The following COL11A1 variants were observed in gnomAD, a reference collection of about 807,000 sequenced individuals.
COL11A1 encodes collagen alpha-1(XI) chain.
A neutral mutation model predicts 265.2 loss-of-function variants in COL11A1; 74 were observed. The ratio of observed to expected loss-of-function variants is 0.28; its 90% CI spans 0.23 to 0.34. The LOEUF (loss-of-function observed/expected upper bound fraction) is 0.34, where lower values mean the gene tolerates loss of function less well. Ranked by LOEUF, COL11A1 falls within the 10% of genes least tolerant of loss-of-function variation. The pLI is 1.00. For missense variants in COL11A1, 2,165 were observed against 2,263.6 expected, an observed-to-expected ratio of 0.96 and a Z score of 0.88; for synonymous variants, 816 against 727.6, an observed-to-expected ratio of 1.12 and a Z score of -1.96.
At chr1:102,898,226 ATATT>A (rs941250044) in intron 56 of COL11A1, 48 bp from the exon 57 acceptor site, 49 of 848,304 alleles carry the variant, frequency 5.8e-5, no homozygotes, top group African/African-American at 2.7e-4. Context: ...AAAATAATAC[ATATT>A]TATTTATTTA....
chr1:103,083,930 A>T (rs1447713735), intron 1 of COL11A1, among the ~76,000 whole-genome samples: 2 of 152,162 alleles, frequency 1.3e-5, no homozygotes, highest in Non-Finnish European at 2.9e-5. Flanking sequence ...GACGTGGTCA[A>T]TATAAAATAT....
chr1:102,881,536 C>T (rs1650239182), intron 65 of COL11A1, among the ~76,000 whole-genome samples, 161 bp downstream of exon 65: 1 of 152,052 alleles, frequency 6.6e-6, no homozygotes, highest in Non-Finnish European at 1.5e-5. Context: ...CTTTAAGATA[C>T]CACAGTGGTC....
chr1:102,898,738 G>T lies in COL11A1; in HGVS notation c.4176C>A (p.Thr1392=), dbSNP rs750903509. The part of the protein sequence containing the change: ...EAGAEGPPGK[T]GPVGPQGPAG... ...CAGGTCCCTGAGGACCGACTGGGCC[G>T]GTTTTTCCAGGAGGACCTTCTGCAC... Residue 1392 remains threonine (T), a synonymous_variant, in exon 56 of 67, where the codon ACC becomes ACA. Transcript: ENST00000370096. The T allele has an allele frequency of 5.6e-5, 90 of 1,612,838 alleles. 1 individual carries two copies. Among genetic ancestry groups the T allele is most frequent in the Middle Eastern group, 4.9e-4 (3 of 6,074 alleles).
At chr1:103,073,817 T>C (rs1292440700) in intron 4 of COL11A1, among the ~76,000 whole-genome samples, 1 of 152,018 alleles carries the variant, frequency 6.6e-6, no homozygotes, top group Admixed American at 6.6e-5. Flanking sequence ...TGTACACATC[T>C]GTGTATGTAT....
chr1:103,014,981 T>C (rs1188213262), intron 12 of COL11A1, among the ~76,000 whole-genome samples: 1 of 152,096 alleles, frequency 6.6e-6, no homozygotes, highest in Non-Finnish European at 1.5e-5. Context: ...CTCTATTTTG[T>C]TTGTCAAAAT....
Position 102,965,516 on chromosome 1 carries a change from G to A in COL11A1, c.2887C>T (p.Pro963Ser). The A allele has an allele frequency of 6.2e-7, 1 of 1,613,690 alleles. No homozygotes were observed. The highest frequency in any genetic ancestry group is 8.5e-7 in the Non-Finnish European group (1 of 1,179,756). ...ETGFQGKTGP[P>S]GPGGVVGPQG... ...GGTCCAACCACTCCCCCTGGCCCAG[G>A]AGGGCCGGTCTTGCCTTGAAATCCC... The change falls in exon 38 of 67, where the codon CCT becomes TCT. Residue 963 changes from proline (P) to serine (S), a missense_variant. Coordinates refer to ENST00000370096, the MANE Select transcript of COL11A1 (RefSeq NM_001854.4).
intron 28 of COL11A1, among the ~76,000 whole-genome samples, chr1:102,991,465 C>T (rs1368654058): frequency 6.8e-6 from 1 of 148,120 alleles, no homozygotes; most frequent in African/African-American, 2.4e-5. Context: ...TTCTTCACTT[C>T]TTCAGTCTTT....
chr1:102,933,738 C>G (rs111230716), intron 46 of COL11A1, among the ~76,000 whole-genome samples: 1 of 152,070 alleles, frequency 6.6e-6, no homozygotes, highest in Non-Finnish European at 1.5e-5. Flanking sequence ...TAGCAATCAG[C>G]GAGACTCCGT....
intron 42 of COL11A1, among the ~76,000 whole-genome samples, chr1:102,942,795 A>C (rs964494775): frequency 2.0e-5 from 3 of 152,092 alleles, no homozygotes; most frequent in African/African-American, 2.4e-5. Context: ...GGTAATGATA[A>C]TACTACTACT....
intron 7 of COL11A1, among the ~76,000 whole-genome samples, chr1:103,023,432 A>G (rs1269892357): frequency 6.7e-6 from 1 of 150,070 alleles, no homozygotes; most frequent in Non-Finnish European, 1.5e-5. Context: ...ATCTTGGTTC[A>G]CAGCAACCTC....
At position 102,914,392 on chromosome 1, in the gene COL11A1, A is replaced by T. The variant is rs200014253; in HGVS notation, c.3938T>A (p.Phe1313Tyr). ...CCCAGGAGGACCAGGATCTCCAGGAAAACCAACAGGACCCTAGAATGACGT... is the reference window on the plus strand; with the variant it reads ...CCCAGGAGGACCAGGATCTCCAGGATAACCAACAGGACCCTAGAATGACGT... ...GPKGNPGPVG[F>Y]PGDPGPPGEP... is the part of the protein sequence containing the mutation. The change falls in exon 52 of 67, where the codon TTT becomes TAT. Residue 1313 changes from phenylalanine to tyrosine, a missense_variant. By Grantham distance (22) the Phe-to-Tyr change is conservative. Coordinates refer to ENST00000370096, the MANE Select transcript of COL11A1 (RefSeq NM_001854.4). 8.1e-6 allele frequency: 13 copies of T among 1,608,554 alleles called. No homozygotes were observed. The highest frequency in any genetic ancestry group is 1.7e-6 in the Non-Finnish European group (2 of 1,176,620).
In COL11A1 at chr1:102,879,817, A is replaced by T; in HGVS notation, c.5140T>A (p.Cys1714Ser). The T allele has an allele frequency of 6.2e-7, 1 of 1,614,008 alleles. No individual in the cohort carries two copies. The highest frequency in any genetic ancestry group is 8.5e-7 in the Non-Finnish European group (1 of 1,179,908). ...TCATACCAGGCTGCTGACTGATGACAGTGGTAGGTGAAATTTTGCCGAGCA... is the reference window on the plus strand; with the variant it reads ...TCATACCAGGCTGCTGACTGATGACTGTGGTAGGTGAAATTTTGCCGAGCA... ...ASARQNFTYHCHQSAAWYDVS... is the reference protein window; with the variant it reads ...ASARQNFTYHSHQSAAWYDVS... Residue 1714 changes from cysteine (C) to serine (S), a missense_variant, in exon 66 of 67, where the codon TGT becomes AGT. Coordinates refer to ENST00000370096, the MANE Select transcript of COL11A1 (RefSeq NM_001854.4).
At position 102,890,516 on chromosome 1, in the gene COL11A1, CA is replaced by C. The variant is rs35232764; in HGVS notation, c.4303-13del. 137,631 of 1,402,380 alleles carry C rather than the reference CA, an allele frequency of 0.098. 7,082 individuals are homozygous for C. The highest frequency in any genetic ancestry group is 0.27 in the African/African-American group (18,545 of 69,122). 86.9% of individuals were successfully genotyped at this position (1,402,380 alleles called of 1,614,324 possible). A position where few individuals can be genotyped will look rare whatever the true frequency, so the allele number is the denominator to read the frequency against. On this transcript the variant is annotated splice_polypyrimidine_tract_variant and intron_variant, in intron 57 of 66. Transcript: ENST00000370096. ...AAGCCAGGAGGTCCCTAAATAATAA[CA>C]AAAAAAAAACCCCAAAACAAAAACA...
chr1:102,962,145 C>T lies in COL11A1; in HGVS notation c.3114+31G>A, dbSNP rs1660970778. 2.0e-6 allele frequency: 3 copies of T among 1,534,222 alleles called. No individual in the cohort carries two copies. The East Asian group carries it at 6.7e-5, about 34-fold the overall frequency. On this transcript the variant is annotated intron_variant, in intron 40 of 66. Transcript: ENST00000370096. ...TGCTTCTAATAAACAATTGGAATCACTTGCTTTATCTATATAGATATTGAT... is the reference window on the plus strand; with the variant it reads ...TGCTTCTAATAAACAATTGGAATCATTTGCTTTATCTATATAGATATTGAT...
At chr1:103,011,386 C>T (rs956017056) in intron 14 of COL11A1, among the ~76,000 whole-genome samples, 6 of 151,758 alleles carry the variant, frequency 4.0e-5, no homozygotes, top group African/African-American at 1.5e-4. Flanking sequence ...AATTTAAATT[C>T]TATGAAACAT....
chr1:102,965,631 A>G, intron 37 of COL11A1, 91 bp from the exon 38 acceptor site: 2 of 1,005,636 alleles, frequency 2.0e-6, no homozygotes, highest in Non-Finnish European at 3.1e-6. Flanking sequence ...TCACATTAAA[A>G]GAAAGTCACC....
At chr1:102,989,597 T>C (rs748460504) in intron 28 of COL11A1, 26 bp from the exon 29 acceptor site, 23 of 1,548,282 alleles carry the variant, frequency 1.5e-5, no homozygotes, top group Non-Finnish European at 1.6e-5. Flanking sequence ...AGGAATTAAA[T>C]AGGAGTTTAA....
intron 44 of COL11A1, 97 bp downstream of exon 44, chr1:102,938,938 G>A (rs1267098963): frequency 1.0e-6 from 1 of 1,004,304 alleles, no homozygotes; most frequent in Non-Finnish European, 1.6e-6. Flanking sequence ...ATAAGTATTG[G>A]CTAGGAAAGT....
intron 5 of COL11A1, among the ~76,000 whole-genome samples, chr1:103,030,674 C>T (rs539619413): frequency 6.6e-6 from 1 of 151,854 alleles, no homozygotes; most frequent in Non-Finnish European, 1.5e-5. Flanking sequence ...TCTAATTGTT[C>T]AACACAGCCT....
Sources: allele counts gnomAD v4.1 joint callset (sites outside exome capture counted in the v4.1 genomes callset), GRCh38; gene constraint gnomAD v4.1.1; transcripts MANE v1.5; gene names NCBI Gene and HGNC (gene_info 2026-07-23, HGNC 2026-07-21).